FASN: variants seen among roughly 807,000 people sequenced by gnomAD.
The protein encoded by FASN is 3-hydroxyacyl-[acyl-carrier-protein] dehydratase.
In FASN, 50 loss-of-function variants were observed where a neutral mutation model predicts 250.0. That is an observed-to-expected ratio of 0.20 (90% CI 0.16 to 0.25). The LOEUF (loss-of-function observed/expected upper bound fraction) is 0.25. Among genes scored for constraint, FASN ranks in the 10% least tolerant of loss-of-function variants. The probability of loss-of-function intolerance (pLI) is 1.00; values close to 1 mark genes in which losing one functional copy is unlikely to be tolerated. For synonymous variants in FASN, 1,909 were observed against 1,584.0 expected, an observed-to-expected ratio of 1.21 and a Z score of -4.87; for missense variants, 3,031 against 3,498.5, an observed-to-expected ratio of 0.87 and a Z score of 3.37.
chr17:82,092,304 C>G (rs1174614639), intron 8 of FASN, 151 bp downstream of exon 8: 3 of 841,810 alleles, frequency 3.6e-6, no homozygotes, highest in Non-Finnish European at 5.6e-6. Context: ...TGCCTCTGCT[C>G]AGACCTGCAG....
chr17:82,090,322 G>A (rs1365651616), intron 11 of FASN, 53 bp downstream of exon 11: 22 of 1,527,410 alleles, frequency 1.4e-5, no homozygotes, highest in African/African-American at 4.1e-5. Flanking sequence ...ACCCCACAGC[G>A]AGAAGGCAGC....
In FASN at chr17:82,087,748, G is replaced by A. The variant is rs751550237; in HGVS notation, c.2980C>T (p.Leu994=). The change falls in exon 19 of 43, where the codon CTG becomes TTG. Residue 994 remains leucine (L), a synonymous_variant. Coordinates refer to ENST00000306749, the MANE Select transcript of FASN (RefSeq NM_004104.5). ...CCGTAGTCGTAGCCACGCAGACGCA[G>A]CTCCTTGTAAACTTCAGCCTGGGCC... ...FLAQAEVYKE[L]RLRGYDYGPH... The A allele has an allele frequency of 6.2e-7, 1 of 1,612,528 alleles. No homozygotes were observed. The highest frequency in any genetic ancestry group is 8.5e-7 in the Non-Finnish European group (1 of 1,179,980).
intron 3 of FASN, chr17:82,094,226 A>G: frequency 3.7e-6 from 1 of 273,580 alleles, no homozygotes; most frequent in Non-Finnish European, 7.2e-6. Flanking sequence ...CCGAGGAGAC[A>G]AAGGCCAAGT....
chr17:82,084,425 C>T (rs368156859), intron 27 of FASN, 41 bp from the exon 28 acceptor site: 42 of 1,589,376 alleles, frequency 2.6e-5, no homozygotes, highest in African/African-American at 2.6e-4. Context: ...CCTGCCCTTC[C>T]CTCCCGAGGG....
In FASN at chr17:82,078,643, T is replaced by G. The variant is rs761463731; in HGVS notation, c.*500A>C. ...CGGGGACTGGCCCACGACCCCCCAC[T>G]CAGCGGGCTGAGCCAATGCCTGGCC... On this transcript the variant is annotated 3_prime_UTR_variant, in exon 43 of 43. Transcript: ENST00000306749. The surrounding 1 kb of genome is among the most constrained non-coding windows in gnomAD (Gnocchi z 5.4). The G allele has an allele frequency of 4.6e-6, 1 of 216,162 alleles. No homozygotes were observed. Among genetic ancestry groups the G allele is most frequent in the Non-Finnish European group, 9.4e-6 (1 of 106,434 alleles). The allele number at this position is 216,162 out of a possible 1,614,324, so 13.4% of individuals were successfully genotyped here. A position where few individuals can be genotyped will look rare whatever the true frequency, so the allele number is the denominator to read the frequency against.
intron 12 of FASN, 113 bp from the exon 13 acceptor site, chr17:82,089,497 A>G: frequency 5.7e-6 from 9 of 1,583,662 alleles, no homozygotes; most frequent in Non-Finnish European, 7.8e-6. Context: ...TGGGCAAGGG[A>G]CCTGAGGACA....
At position 82,079,165 on chromosome 17, in the gene FASN, C is replaced by T. The variant is rs139709268; in HGVS notation, c.7514G>A (p.Arg2505His). 3.1e-6 allele frequency: 5 copies of T among 1,612,436 alleles called. No homozygotes were observed. Among genetic ancestry groups the T allele is most frequent in the African/African-American group, 2.7e-5 (2 of 74,948 alleles). The change falls in exon 43 of 43, where the codon CGC becomes CAC. Residue 2505 changes from arginine (R) to histidine (H), a missense_variant. Physicochemically the swap from Arg to His is conservative, Grantham distance 29. Coordinates refer to ENST00000306749, the MANE Select transcript of FASN (RefSeq NM_004104.5). ...GGCCTAGCCCTCCCGCACGCTCACGCGTGGCTCAGCCAGGGAGCTGTGGAT... is the reference window on the plus strand; with the variant it reads ...GGCCTAGCCCTCCCGCACGCTCACGTGTGGCTCAGCCAGGGAGCTGTGGAT... The part of the protein sequence containing the change: ...SIIHSSLAEP[R>H]VSVREG
chr17:82,086,751 G>A (rs539628024), intron 21 of FASN, among the ~76,000 whole-genome samples, 193 bp from the exon 22 acceptor site: 2 of 152,340 alleles, frequency 1.3e-5, no homozygotes, highest in East Asian at 3.9e-4. Flanking sequence ...ACGCAGTGAG[G>A]GGCCGCATTC....
rs770333916 is a variant in FASN, at chr17:82,081,793, T to C, written c.6214A>G (p.Thr2072Ala). Residue 2072 changes from threonine (T) to alanine (A), a missense_variant, in exon 37 of 43, where the codon ACG becomes GCG. Thr to Ala is a moderately conservative substitution (Grantham distance 58, BLOSUM62 0). Coordinates refer to ENST00000306749, the MANE Select transcript of FASN (RefSeq NM_004104.5). ...ACGATCGTGTCGTTGGTGCTCATCG[T>C]CTCCACCAAAATGCCCACGTCGCCG... ...AIGDVGILVETMSTNDTIVSG... is the reference protein window; with the variant it reads ...AIGDVGILVEAMSTNDTIVSG... 4 of 1,611,742 alleles carry C rather than the reference T, an allele frequency of 2.5e-6. No individual in the cohort carries two copies. The highest frequency in any genetic ancestry group is 3.4e-6 in the Non-Finnish European group (4 of 1,179,802).
At chr17:82,093,190 C>T in intron 5 of FASN, 29 bp downstream of exon 5, 5 of 1,554,808 alleles carry the variant, frequency 3.2e-6, no homozygotes, top group Middle Eastern at 2.2e-4. Context: ...ACTGTCCCGC[C>T]TGCCCTGGCC....
intron 38 of FASN, 114 bp from the exon 39 acceptor site, chr17:82,081,036 G>T: frequency 7.2e-7 from 1 of 1,390,988 alleles, no homozygotes. Context: ...GTGGGAGTCG[G>T]GGTGGGAACG....
rs1392816548 is a variant in FASN, at chr17:82,093,265, C to T, written c.609G>A (p.Leu203=). Residue 203 remains leucine (L), a synonymous_variant, in exon 5 of 43, where the codon CTG becomes CTA. Coordinates refer to ENST00000306749, the MANE Select transcript of FASN (RefSeq NM_004104.5). ...AGGTGCCCTCGGGGCTGAGCATCCC[C>T]AGCCTCAAGAACTGCACGGAGGTGT... The part of the protein sequence containing the change: ...KPNTSVQFLR[L]GMLSPEGTCK... 1.3e-6 allele frequency: 2 copies of T among 1,595,366 alleles called. No individual in the cohort carries two copies. The highest frequency in any genetic ancestry group is 1.7e-6 in the Non-Finnish European group (2 of 1,171,914).
At chr17:82,083,140 C>T in intron 32 of FASN, 25 bp from the exon 33 acceptor site, 1 of 1,610,550 alleles carries the variant, frequency 6.2e-7, no homozygotes, top group Non-Finnish European at 8.5e-7. Flanking sequence ...CACCCACCGG[C>T]TCAGGCACTG....
chr17:82,078,349 T>C lies in FASN; in HGVS notation c.*794A>G, dbSNP rs940107038. 6 of 152,260 alleles carry C rather than the reference T, an allele frequency of 3.9e-5. No homozygotes were observed. Among genetic ancestry groups the C allele is most frequent in the African/African-American group, 9.7e-5 (4 of 41,430 alleles). The allele number at this position is 152,260 out of a possible 1,614,324, so 9.4% of individuals were successfully genotyped here. On this transcript the variant is annotated 3_prime_UTR_variant, in exon 43 of 43. Coordinates refer to ENST00000306749, the MANE Select transcript of FASN (RefSeq NM_004104.5). This position sits in a 1 kb window ranked among gnomAD's most constrained non-coding sequence, Gnocchi z 5.4. Reference sequence around the variant, plus strand: ...AGAAAGGACGGTGGTGGAGATCACATGCGGTTTAATTGTGGGAGGCTGAGA... The same window carrying C: ...AGAAAGGACGGTGGTGGAGATCACACGCGGTTTAATTGTGGGAGGCTGAGA...
rs535778972 is a variant in FASN, at chr17:82,079,035, G to T, written c.*108C>A. On this transcript the variant is annotated 3_prime_UTR_variant, in exon 43 of 43. Transcript: ENST00000306749. The stretch of plus-strand genomic sequence containing the variant: ...CCTCGGGGGGCAGTGGCACTGGGCC[G>T]GACAGGGTCCCACCGGCAGGACCCT... 3.1e-6 allele frequency: 4 copies of T among 1,298,852 alleles called. No homozygotes were observed. The highest frequency in any genetic ancestry group is 1.3e-5 in the South Asian group (1 of 76,258). 80.5% of individuals were successfully genotyped at this position (1,298,852 alleles called of 1,614,324 possible). A position where few individuals can be genotyped will look rare whatever the true frequency, so the allele number is the denominator to read the frequency against.
chr17:82,093,379 C>G lies in FASN; in HGVS notation c.495G>C (p.Leu165=). Residue 165 remains leucine, a synonymous_variant, in exon 5 of 43, where the codon CTG becomes CTC. Transcript: ENST00000306749. ...IALDTACSSS[L]MALQNAYQAI... is the part of the protein sequence containing the mutation. ...CCTGGTAGGCGTTCTGCAGGGCCAT[C>G]AGGCTGGAGGAGCAGGCTGTGTCCA... is the stretch of plus-strand genomic sequence containing the variant. The G allele has an allele frequency of 6.2e-7, 1 of 1,604,662 alleles. No individual in the cohort carries two copies. Among genetic ancestry groups the G allele is most frequent in the Non-Finnish European group, 8.5e-7 (1 of 1,177,550 alleles).
chr17:82,093,490 C>T (rs2034250207), intron 4 of FASN, 71 bp from the exon 5 acceptor site: 1 of 1,583,040 alleles, frequency 6.3e-7, no homozygotes, highest in South Asian at 1.1e-5. Flanking sequence ...CCTCCTGCCA[C>T]CAGGCTGGAC....
At position 82,082,553 on chromosome 17, in the gene FASN, C is replaced by T. The variant is rs142408491; in HGVS notation, c.5893G>A (p.Val1965Met). The T allele has an allele frequency of 3.1e-6, 5 of 1,608,696 alleles. No individual in the cohort carries two copies. The highest frequency in any genetic ancestry group is 1.3e-5 in the African/African-American group (1 of 75,044). The change falls in exon 34 of 43, where the codon GTG becomes ATG. Residue 1965 changes from valine (V) to methionine (M), a missense_variant. Physicochemically the swap from Val to Met is conservative, Grantham distance 21 (BLOSUM62 1). Coordinates refer to ENST00000306749, the MANE Select transcript of FASN (RefSeq NM_004104.5). ...ACGGCCAGGTTGAAGACGCCGCCCA[C>T]GGGCCCAAGCTGCGCCGCCTCGGCA... is the stretch of plus-strand genomic sequence containing the variant. ...LIAEAAQLGP[V>M]GGVFNLAVVL...
intron 10 of FASN, 91 bp from the exon 11 acceptor site, chr17:82,090,655 C>G: frequency 1.6e-6 from 2 of 1,249,432 alleles, no homozygotes; most frequent in African/African-American, 1.5e-5. Context: ...TCTCCACCCC[C>G]GCGCCCCATC....
Sources: gnomAD v4.1 joint callset for allele counts (sites outside exome capture counted in the v4.1 genomes callset) on GRCh38, gnomAD v4.1.1 for gene constraint, Gnocchi (gnomAD v3.1) non-coding constraint, MANE v1.5 for transcripts, NCBI Gene and HGNC (gene_info 2026-07-23, HGNC 2026-07-21) for gene names.